The following PCDHGA3 variants were observed in gnomAD, a reference collection of about 807,000 sequenced individuals.
PCDHGA3 encodes protocadherin gamma subfamily A, 3.
Under a neutral mutation model 58.5 loss-of-function variants are expected in PCDHGA3, and 40 were observed. The observed-to-expected ratio is 0.68, with a 90% confidence interval of 0.53 to 0.89. The LOEUF is 0.89. PCDHGA3 is among the 40% of genes least tolerant of loss of function. The pLI, the probability that PCDHGA3 is intolerant of heterozygous loss-of-function variation, is 0.00. For missense variants in PCDHGA3, 1,223 were observed against 1,195.9 expected, an observed-to-expected ratio of 1.02 and a Z score of -0.33; for synonymous variants, 530 against 525.7, an observed-to-expected ratio of 1.01 and a Z score of -0.11.
chr5:141,486,653 C>G lies in PCDHGA3; in HGVS notation c.2425-8154C>G. On this transcript the variant is annotated intron_variant, in intron 1 of 3. Transcript: ENST00000253812. This position sits in a 1 kb window ranked among gnomAD's most constrained non-coding sequence, Gnocchi z 5.0. ...CTTGAATGCGCTTATCTCCTACTCA[C>G]TCCTGGAGCCCAGGAATCGAGATGT... is the stretch of plus-strand genomic sequence containing the variant. 1 of 1,613,968 alleles carries G rather than the reference C, an allele frequency of 6.2e-7. No individual in the cohort carries two copies. Among genetic ancestry groups the G allele is most frequent in the Non-Finnish European group, 8.5e-7 (1 of 1,180,034 alleles).
chr5:141,403,204 G>A, intron 1 of PCDHGA3: 4 of 1,613,952 alleles, frequency 2.5e-6, no homozygotes, highest in Non-Finnish European at 3.4e-6. Flanking sequence ...GCGGCACCTT[G>A]GTCACCGCGG....
rs1023379892 is a variant in PCDHGA3 at position 141,475,927 on chromosome 5, G to T, written c.2425-18880G>T. 1.3e-4 allele frequency: 80 copies of T among 628,362 alleles called. No individual in the cohort carries two copies. In the African/African-American group the frequency reaches 1.4e-3, roughly 11 times the overall value. The allele number at this position is 628,362 out of a possible 1,614,324, so 38.9% of individuals were successfully genotyped here. ...CGGCCAATGAAGACGCTGGAGATCG[G>T]GCCCCTGCCCGTCCCCTTTCTGCGC... On this transcript the variant is annotated intron_variant, in intron 1 of 3. Coordinates refer to ENST00000253812, the MANE Select transcript of PCDHGA3 (RefSeq NM_018916.4).
rs575856599 is a variant in PCDHGA3 at position 141,399,712 on chromosome 5, C to T, written c.2424+53255C>T. ...GCTGCGCACCTTCGAACTCACACTA[C>T]AGGCCCGCGACCAGGGCTCGCCTGC... On this transcript the variant is annotated intron_variant, in intron 1 of 3. Transcript: ENST00000253812. The T allele has an allele frequency of 7.4e-6, 12 of 1,613,378 alleles. No individual in the cohort carries two copies. In the East Asian group the frequency reaches 2.2e-4, roughly 30 times the overall value.
chr5:141,344,539 A>G lies in PCDHGA3; in HGVS notation c.506A>G (p.Asn169Ser), dbSNP rs374690616. 1.2e-5 allele frequency: 20 copies of G among 1,613,914 alleles called. No individual in the cohort carries two copies. Among genetic ancestry groups the G allele is most frequent in the Admixed American group, 3.3e-5 (2 of 60,012 alleles). ...DPDVGINSLQ[N>S]YKLSPNDYFS... ...GATGTAGGCATTAACTCCCTGCAGA[A>G]CTACAAGCTTAGCCCCAATGACTAC... The change falls in exon 1 of 4, where the codon AAC (asparagine) becomes AGC (serine). Residue 169 changes from asparagine to serine, a missense_variant. Physicochemically the swap from Asn to Ser is conservative, Grantham distance 46. Coordinates refer to ENST00000253812, the MANE Select transcript of PCDHGA3 (RefSeq NM_018916.4).
At chr5:141,454,837 G>A (rs1269424734) in intron 1 of PCDHGA3, among the ~76,000 whole-genome samples, 4 of 90,354 alleles carry the variant, frequency 4.4e-5, no homozygotes, top group East Asian at 6.5e-4. Flanking sequence ...AGACAGAGTC[G>A]CGCTCTGTCA....
chr5:141,399,797 G>A (rs760211919), intron 1 of PCDHGA3: 1 of 1,613,192 alleles, frequency 6.2e-7, no homozygotes, highest in Non-Finnish European at 8.5e-7. Context: ...AACGCACCGC[G>A]GGTGCTGTAC....
intron 1 of PCDHGA3, among the ~76,000 whole-genome samples, chr5:141,466,921 AG>A (rs2099132133): frequency 6.6e-6 from 1 of 152,204 alleles, no homozygotes; most frequent in African/African-American, 2.4e-5. Context: ...TCCTTGTATT[AG>A]GAATATTAGT....
chr5:141,421,220 A>G (rs1178268746), intron 1 of PCDHGA3: 2 of 1,575,620 alleles, frequency 1.3e-6, no homozygotes, highest in Non-Finnish European at 1.7e-6. Flanking sequence ...ATCGGCTTAG[A>G]GCCTGCCATG....
chr5:141,371,660 C>A, intron 1 of PCDHGA3: 1 of 1,614,032 alleles, frequency 6.2e-7, no homozygotes. Context: ...ATGTGACGAT[C>A]ACAGCTACCG....
chr5:141,366,033 C>G (rs1310722008), intron 1 of PCDHGA3: 2 of 1,614,254 alleles, frequency 1.2e-6, no homozygotes, highest in South Asian at 2.2e-5. Context: ...CCCGCCCTCC[C>G]CACAGACGGT....
chr5:141,360,582 TACA>T (rs1223956986), intron 1 of PCDHGA3: 9 of 1,613,976 alleles, frequency 5.6e-6, no homozygotes, highest in African/African-American at 1.3e-5. Context: ...CTAAGCCAGG[TACA>T]ACATTTCCAC....
In PCDHGA3 at chr5:141,432,716, C is replaced by G. The variant is rs1417017747; in HGVS notation, c.2425-62091C>G. ...GGCCGTCCAGGACCACGGCCAGCCC[C>G]CTCTCTCCGCCACTGTCACGCTCAC... On this transcript the variant is annotated intron_variant, in intron 1 of 3. Coordinates refer to ENST00000253812, the MANE Select transcript of PCDHGA3 (RefSeq NM_018916.4). This position sits in a 1 kb window ranked among gnomAD's most constrained non-coding sequence, Gnocchi z 6.0. 5.6e-6 allele frequency: 9 copies of G among 1,613,912 alleles called. No individual in the cohort carries two copies. Among genetic ancestry groups the G allele is most frequent in the Non-Finnish European group, 7.6e-6 (9 of 1,179,990 alleles).
chr5:141,355,142 CTCCTCAGGCCT>C, intron 1 of PCDHGA3: 1 of 1,526,256 alleles, frequency 6.6e-7, no homozygotes, highest in East Asian at 2.3e-5. Context: ...GATCCTGGGG[CTCCTCAGGCCT>C]CGACAGAGGG....
chr5:141,385,308 C>A, intron 1 of PCDHGA3: 1 of 1,612,216 alleles, frequency 6.2e-7, no homozygotes, highest in Non-Finnish European at 8.5e-7. Context: ...GTAAAGAAAA[C>A]CTGCCAAGTA....
At chr5:141,409,828 C>G in intron 1 of PCDHGA3, 1 of 1,611,128 alleles carries the variant, frequency 6.2e-7, no homozygotes, top group Non-Finnish European at 8.5e-7. Flanking sequence ...CGCCCACGCT[C>G]AGCGCCAACG....
At chr5:141,465,779 G>A (rs1199779963) in intron 1 of PCDHGA3, among the ~76,000 whole-genome samples, 2 of 145,170 alleles carry the variant, frequency 1.4e-5, no homozygotes, top group African/African-American at 5.0e-5. Flanking sequence ...TCTTGTTACA[G>A]TTTTTTTTTT....
chr5:141,490,128 C>T lies in PCDHGA3; in HGVS notation c.2425-4679C>T, dbSNP rs970815408. 1.2e-6 allele frequency: 2 copies of T among 1,614,254 alleles called. No homozygotes were observed. Among genetic ancestry groups the T allele is most frequent in the Non-Finnish European group, 8.5e-7 (1 of 1,180,042 alleles). ...CAGTGCGGAACCTCTTTGGCCTAGA[C>T]CCTAGCAGTGGGGCAATCCATGTGT... On this transcript the variant is annotated intron_variant, in intron 1 of 3. Transcript: ENST00000253812. The surrounding 1 kb of genome is among the most constrained non-coding windows in gnomAD (Gnocchi z 5.4).
rs748462670 is a variant in PCDHGA3, at chr5:141,478,010, C to T, written c.2425-16797C>T. Reference sequence around the variant, plus strand: ...GCACACTGGTCAAATCAGTACTGCCCGTCCAGTCCAAGACACAGATTCACC... The same window carrying T: ...GCACACTGGTCAAATCAGTACTGCCTGTCCAGTCCAAGACACAGATTCACC... On this transcript the variant is annotated intron_variant, in intron 1 of 3. Coordinates refer to ENST00000253812, the MANE Select transcript of PCDHGA3 (RefSeq NM_018916.4). 9 of 1,614,008 alleles carry T rather than the reference C, an allele frequency of 5.6e-6. No homozygotes were observed. The highest frequency in any genetic ancestry group is 1.7e-5 in the Admixed American group (1 of 59,998).
Position 141,477,575 on chromosome 5 carries a change from C to T in PCDHGA3, c.2425-17232C>T. The T allele has an allele frequency of 6.2e-7, 1 of 1,614,176 alleles. No individual in the cohort carries two copies. The highest frequency in any genetic ancestry group is 8.5e-7 in the Non-Finnish European group (1 of 1,180,030). On this transcript the variant is annotated intron_variant, in intron 1 of 3. Coordinates refer to ENST00000253812, the MANE Select transcript of PCDHGA3 (RefSeq NM_018916.4). This position sits in a 1 kb window ranked among gnomAD's most constrained non-coding sequence, Gnocchi z 4.9. ...CCTAAGTGTCTGGGACCCCGACGCC[C>T]CGCAGAATGCTCGGCTTTCTTTCTT... is the stretch of plus-strand genomic sequence containing the variant.
Sources: allele counts gnomAD v4.1 joint callset (sites outside exome capture counted in the v4.1 genomes callset), GRCh38; gene constraint gnomAD v4.1.1; non-coding constraint Gnocchi (gnomAD v3.1); transcripts MANE v1.5; gene names NCBI Gene and HGNC (gene_info 2026-07-23, HGNC 2026-07-21).